RPS6KA1: variants seen among roughly 807,000 people sequenced by gnomAD.
RPS6KA1 encodes ribosomal protein S6 kinase alpha-1.
RPS6KA1 carries 48 observed loss-of-function variants against 91.3 expected under a neutral mutation model. The observed-to-expected ratio is 0.53, with a 90% CI of 0.42 to 0.67. RPS6KA1 has a LOEUF of 0.67. Among genes scored for constraint, RPS6KA1 ranks in the 30% least tolerant of loss-of-function variants. The pLI, the probability that RPS6KA1 is intolerant of heterozygous loss-of-function variation, is 0.00. For missense variants in RPS6KA1, 719 were observed against 960.5 expected, an observed-to-expected ratio of 0.75 and a Z score of 3.32; for synonymous variants, 359 against 384.7, an observed-to-expected ratio of 0.93 and a Z score of 0.78.
chr1:26,539,282 G>A (rs2075929168), intron 2 of RPS6KA1, among the ~76,000 whole-genome samples: 1 of 152,216 alleles, frequency 6.6e-6, no homozygotes. Flanking sequence ...TCATTGCCGT[G>A]CATGGCCGAG....
intron 17 of RPS6KA1, among the ~76,000 whole-genome samples, chr1:26,563,171 T>C (rs1016104039): frequency 6.6e-6 from 1 of 151,852 alleles, no homozygotes; most frequent in Non-Finnish European, 1.5e-5. Context: ...CTTTTTTGAC[T>C]GGTTTATTGA....
intron 20 of RPS6KA1, 90 bp from the exon 21 acceptor site, chr1:26,573,134 G>C (rs1053157212): frequency 7.2e-7 from 1 of 1,380,320 alleles, no homozygotes; most frequent in African/African-American, 1.4e-5. Flanking sequence ...TCAGGCGGGA[G>C]CTAGCAGGAG....
rs866686859 is a variant in RPS6KA1 at position 26,555,895 on chromosome 1, G to A, written c.916+270G>A. Among the ~76,000 whole-genome samples, 37 of 152,324 alleles carry A rather than the reference G, an allele frequency of 2.4e-4. No homozygotes were observed. Among genetic ancestry groups the A allele is most frequent in the African/African-American group, 8.7e-4 (36 of 41,572 alleles). On this transcript the variant is annotated intron_variant, in intron 11 of 21. Transcript: ENST00000374168. The surrounding 1 kb of genome is among the most constrained non-coding windows in gnomAD (Gnocchi z 4.3). ...CCCACACAGCTTCTCCGCCAAGGCT[G>A]CTGGCACAAGAGAAATAGCATGAGC... is the stretch of plus-strand genomic sequence containing the variant.
chr1:26,536,152 T>TAAA (rs35238041), intron 1 of RPS6KA1, among the ~76,000 whole-genome samples: 51 of 74,400 alleles, frequency 6.9e-4, no homozygotes, highest in South Asian at 3.7e-3. Flanking sequence ...AAACTCTGTC[T>TAAA]AAAAAAAAAA....
At chr1:26,566,263 T>C (rs1044121725) in intron 17 of RPS6KA1, among the ~76,000 whole-genome samples, 4 of 148,380 alleles carry the variant, frequency 2.7e-5, no homozygotes, top group African/African-American at 9.9e-5. Context: ...GGGTGTGGAG[T>C]GGTATCTCAT....
rs1258364734 is a variant in RPS6KA1 at position 26,554,512 on chromosome 1, T to C, written c.614-84T>C. On this transcript the variant is annotated intron_variant, in intron 8 of 21. Transcript: ENST00000374168. The surrounding 1 kb of genome is among the most constrained non-coding windows in gnomAD (Gnocchi z 4.6). ...CATGGGGGTGATGCCTTCTGGCCTC[T>C]GGGCACGGGGGTTGGGTGTGCAAAG... 1.3e-6 allele frequency: 2 copies of C among 1,527,508 alleles called. No individual in the cohort carries two copies. The highest frequency in any genetic ancestry group is 2.8e-5 in the African/African-American group (2 of 72,452). The allele number at this position is 1,527,508 out of a possible 1,614,324, so 94.6% of individuals were successfully genotyped here. A position where few individuals can be genotyped will look rare whatever the true frequency, so the allele number is the denominator to read the frequency against.
intron 2 of RPS6KA1, among the ~76,000 whole-genome samples, chr1:26,541,892 G>T (rs2075951781): frequency 6.6e-6 from 1 of 152,216 alleles, no homozygotes; most frequent in Non-Finnish European, 1.5e-5. Context: ...TCAGGCCTGG[G>T]GGCTCTGGGC....
At chr1:26,548,347 G>A (rs1027670864) in intron 4 of RPS6KA1, among the ~76,000 whole-genome samples, 3 of 152,162 alleles carry the variant, frequency 2.0e-5, no homozygotes, top group African/African-American at 7.2e-5. Context: ...GAGTGGTGGT[G>A]TAGTCTTGTA....
In RPS6KA1 at chr1:26,558,316, C is replaced by T. The variant is rs1321427315; in HGVS notation, c.1085-491C>T. On this transcript the variant is annotated intron_variant, in intron 13 of 21. Transcript: ENST00000374168. This position sits in a 1 kb window ranked among gnomAD's most constrained non-coding sequence, Gnocchi z 4.0. Reference sequence around the variant, plus strand: ...AGGGCTCAGAGACCCCTCTAAGGATCTGAGAAGTCCAACATGGCTCAGCTG... The same window carrying T: ...AGGGCTCAGAGACCCCTCTAAGGATTTGAGAAGTCCAACATGGCTCAGCTG... Among the ~76,000 whole-genome samples the T allele has an allele frequency of 6.6e-6, 1 of 152,172 alleles. No individual in the cohort carries two copies. The highest frequency in any genetic ancestry group is 2.4e-5 in the African/African-American group (1 of 41,442).
chr1:26,566,012 C>A (rs1381694361), intron 17 of RPS6KA1, among the ~76,000 whole-genome samples: 1 of 152,140 alleles, frequency 6.6e-6, no homozygotes, highest in African/African-American at 2.4e-5. Context: ...TTAATAGACA[C>A]CAGATGGTTA....
intron 4 of RPS6KA1, among the ~76,000 whole-genome samples, chr1:26,548,338 A>G (rs2076015542): frequency 6.6e-6 from 1 of 151,630 alleles, no homozygotes; most frequent in African/African-American, 2.4e-5. Context: ...GGGAGCTGGG[A>G]GTGGTGGTGT....
chr1:26,529,864 C>T lies in RPS6KA1; in HGVS notation c.-57C>T. 7.4e-7 allele frequency: 1 copy of T among 1,358,374 alleles called. No individual in the cohort carries two copies. Among genetic ancestry groups the T allele is most frequent in the Non-Finnish European group, 9.6e-7 (1 of 1,042,166 alleles). 84.1% of individuals were successfully genotyped at this position (1,358,374 alleles called of 1,614,324 possible). A position where few individuals can be genotyped will look rare whatever the true frequency, so the allele number is the denominator to read the frequency against. On this transcript the variant is annotated 5_prime_UTR_variant, in exon 1 of 22. Coordinates refer to ENST00000374168, the MANE Select transcript of RPS6KA1 (RefSeq NM_002953.4). This position sits in a 1 kb window ranked among gnomAD's most constrained non-coding sequence, Gnocchi z 4.2. Reference sequence around the variant, plus strand: ...TCGCAGAGCCAGGGACCCCAGGACCCGGGAGGCGGCGCAGCCGGGGCCGCC... The same window carrying T: ...TCGCAGAGCCAGGGACCCCAGGACCTGGGAGGCGGCGCAGCCGGGGCCGCC...
intron 2 of RPS6KA1, chr1:26,543,038 T>A (rs969519649): frequency 1.7e-5 from 18 of 1,050,608 alleles, no homozygotes; most frequent in Non-Finnish European, 2.3e-5. Flanking sequence ...CTGCCCCTCC[T>A]CCCTGCAGAG....
At chr1:26,556,600 A>C in intron 11 of RPS6KA1, 54 bp from the exon 12 acceptor site, 2 of 1,580,184 alleles carry the variant, frequency 1.3e-6, no homozygotes, top group Non-Finnish European at 1.7e-6. Flanking sequence ...TGGGCAGGGT[A>C]ATATCTGGGA....
rs2075941377 is a variant in RPS6KA1, at chr1:26,540,846, A to G, written c.108+3877A>G. ...ACTTTTGTTGCCCAGGCTGGAGTGC[A>G]ATGGCACGATCTTGGCTCACCACAA... On this transcript the variant is annotated intron_variant, in intron 2 of 21. Transcript: ENST00000374168. The surrounding 1 kb of genome is among the most constrained non-coding windows in gnomAD (Gnocchi z 4.2). 6.6e-6 allele frequency among the ~76,000 whole-genome samples: 1 copy of G among 152,192 alleles called. No homozygotes were observed. Among genetic ancestry groups the G allele is most frequent in the Admixed American group, 6.5e-5 (1 of 15,278 alleles).
At chr1:26,563,236 CT>C (rs1557511384) in intron 17 of RPS6KA1, among the ~76,000 whole-genome samples, 1 of 151,060 alleles carries the variant, frequency 6.6e-6, no homozygotes, top group East Asian at 2.0e-4. Context: ...ATCTCTCCCC[CT>C]TTTTTTTGAG....
rs562726344 is a variant in RPS6KA1 at position 26,551,526 on chromosome 1, C to T, written c.388+49C>T. 6.2e-7 allele frequency: 1 copy of T among 1,606,906 alleles called. No homozygotes were observed. Among genetic ancestry groups the T allele is most frequent in the South Asian group, 1.1e-5 (1 of 90,922 alleles). On this transcript the variant is annotated intron_variant, in intron 5 of 21. Transcript: ENST00000374168. This position sits in a 1 kb window ranked among gnomAD's most constrained non-coding sequence, Gnocchi z 4.5. ...GCTCCTACCCCACCCATCCTTCGCCCTTGCCTGTGGTCTGTACACTGTCCC... is the reference window on the plus strand; with the variant it reads ...GCTCCTACCCCACCCATCCTTCGCCTTTGCCTGTGGTCTGTACACTGTCCC...
Position 26,547,048 on chromosome 1 carries a change from A to C in RPS6KA1, c.225+65A>C. On this transcript the variant is annotated intron_variant, in intron 3 of 21. Coordinates refer to ENST00000374168, the MANE Select transcript of RPS6KA1 (RefSeq NM_002953.4). This position sits in a 1 kb window ranked among gnomAD's most constrained non-coding sequence, Gnocchi z 4.1. ...ATGTTAGAGGTGGGGGTCAAGGGTC[A>C]CCTAGGGGCCCAAAGGATCAGAGGT... 6.5e-7 allele frequency: 1 copy of C among 1,533,428 alleles called. No homozygotes were observed. Among genetic ancestry groups the C allele is most frequent in the Non-Finnish European group, 9.0e-7 (1 of 1,107,188 alleles). The allele number at this position is 1,533,428 out of a possible 1,614,324, so 95.0% of individuals were successfully genotyped here. A position where few individuals can be genotyped will look rare whatever the true frequency, so the allele number is the denominator to read the frequency against.
chr1:26,541,792 T>C (rs571240173), intron 2 of RPS6KA1, among the ~76,000 whole-genome samples: 1 of 152,268 alleles, frequency 6.6e-6, no homozygotes, highest in South Asian at 2.1e-4. Flanking sequence ...TGCTGCCAGC[T>C]GGGGAAGGGG....
Sources: gnomAD v4.1 joint callset for allele counts (sites outside exome capture counted in the v4.1 genomes callset) on GRCh38, gnomAD v4.1.1 for gene constraint, Gnocchi (gnomAD v3.1) non-coding constraint, MANE v1.5 for transcripts, NCBI Gene and HGNC (gene_info 2026-07-23, HGNC 2026-07-21) for gene names.